The following LNX1 variants were observed in gnomAD, a reference collection of about 807,000 sequenced individuals.
The protein encoded by LNX1 is E3 ubiquitin-protein ligase LNX.
A neutral mutation model predicts 68.4 loss-of-function variants in LNX1; 54 were observed. That is an observed-to-expected ratio of 0.79 (90% CI 0.63 to 0.99). The LOEUF (loss-of-function observed/expected upper bound fraction) is 0.99. Ranked by LOEUF, LNX1 falls within the 50% of genes least tolerant of loss-of-function variation. The pLI, the probability that LNX1 is intolerant of heterozygous loss-of-function variation, is 0.00. For synonymous variants in LNX1, 336 were observed against 350.0 expected, an observed-to-expected ratio of 0.96 and a Z score of 0.45; for missense variants, 906 against 926.4, an observed-to-expected ratio of 0.98 and a Z score of 0.29.
At chr4:53,634,155 A>G (rs1335798653) in intron 1 of LNX1, among the ~76,000 whole-genome samples, 2 of 151,988 alleles carry the variant, frequency 1.3e-5, no homozygotes, top group Admixed American at 1.3e-4. Flanking sequence ...TGCACCCAAT[A>G]CCACCTGCTC....
chr4:53,480,913 C>T (rs1723869363), intron 7 of LNX1, among the ~76,000 whole-genome samples: 1 of 151,992 alleles, frequency 6.6e-6, no homozygotes, highest in South Asian at 2.1e-4. Flanking sequence ...CAAGTGATGC[C>T]ATGAAACCAG....
At chr4:53,642,653 G>A (rs1734730682) in intron 1 of LNX1, among the ~76,000 whole-genome samples, 1 of 152,204 alleles carries the variant, frequency 6.6e-6, no homozygotes, top group African/African-American at 2.4e-5. Flanking sequence ...TGCCAGAACT[G>A]GGAAGGCCAA....
chr4:53,581,675 A>T (rs1254797358), intron 1 of LNX1, among the ~76,000 whole-genome samples: 1 of 152,128 alleles, frequency 6.6e-6, no homozygotes, highest in Non-Finnish European at 1.5e-5. Context: ...TCACTATCGC[A>T]AGAATAGCAT....
At chr4:53,634,904 C>T (rs1331541165) in intron 1 of LNX1, among the ~76,000 whole-genome samples, 2 of 151,848 alleles carry the variant, frequency 1.3e-5, no homozygotes, top group East Asian at 1.9e-4. Context: ...ATCATGGGAT[C>T]GTAGCTCACT....
intron 2 of LNX1, among the ~76,000 whole-genome samples, chr4:53,602,256 A>G (rs1256671638): frequency 6.6e-6 from 1 of 152,156 alleles, no homozygotes; most frequent in African/African-American, 2.4e-5. Flanking sequence ...GCCAAGACGA[A>G]ATTAAATATG....
intron 2 of LNX1, among the ~76,000 whole-genome samples, chr4:53,565,568 G>C (rs1188863920): frequency 6.6e-5 from 10 of 151,904 alleles, no homozygotes; most frequent in South Asian, 2.1e-4. Flanking sequence ...CAGAAAAACT[G>C]GAAACTCTAA....
intron 1 of LNX1, among the ~76,000 whole-genome samples, chr4:53,647,251 A>G (rs1232663246): frequency 6.6e-6 from 1 of 152,236 alleles, no homozygotes; most frequent in Non-Finnish European, 1.5e-5. Context: ...CAAGAACTGC[A>G]GTCCTAAATG....
chr4:53,600,470 C>T (rs527883173), intron 2 of LNX1, among the ~76,000 whole-genome samples: 1 of 152,124 alleles, frequency 6.6e-6, no homozygotes, highest in Non-Finnish European at 1.5e-5. Flanking sequence ...GGCAGGCCCT[C>T]AAAAACACAG....
At chr4:53,536,722 A>T (rs1470838032) in intron 2 of LNX1, among the ~76,000 whole-genome samples, 1 of 152,236 alleles carries the variant, frequency 6.6e-6, no homozygotes, top group Non-Finnish European at 1.5e-5. Context: ...TACACTAAGA[A>T]GCAGAAAATG....
At chr4:53,463,101 AATAG>A (rs1327049771) in intron 9 of LNX1, among the ~76,000 whole-genome samples, 1 of 152,172 alleles carries the variant, frequency 6.6e-6, no homozygotes, top group African/African-American at 2.4e-5. Flanking sequence ...GATTCTTTAA[AATAG>A]ATAAATGAGT....
chr4:53,643,031 G>A (rs2109887557), intron 1 of LNX1, among the ~76,000 whole-genome samples: 1 of 152,258 alleles, frequency 6.6e-6, no homozygotes. Context: ...GAGTGCTATG[G>A]GCATTTAATA....
intron 1 of LNX1, among the ~76,000 whole-genome samples, chr4:53,650,361 G>A (rs1307542239): frequency 3.3e-5 from 5 of 152,198 alleles, no homozygotes; most frequent in Non-Finnish European, 2.9e-5. Flanking sequence ...AGCAGGGTGC[G>A]GAGGGCATCT....
chr4:53,507,532 T>C, intron 3 of LNX1, 63 bp from the exon 4 acceptor site: 1 of 1,532,410 alleles, frequency 6.5e-7, no homozygotes, highest in Non-Finnish European at 9.0e-7. Context: ...TTTATGTACA[T>C]ATCTGATAAG....
chr4:53,599,169 G>A (rs1410698840), intron 2 of LNX1, among the ~76,000 whole-genome samples: 9 of 152,134 alleles, frequency 5.9e-5, no homozygotes, highest in Admixed American at 1.3e-4. Flanking sequence ...GAGACCTATT[G>A]GGCTGCATTC....
At chr4:53,472,700 CAA>C (rs1217664886) in intron 9 of LNX1, among the ~76,000 whole-genome samples, 22 of 109,634 alleles carry the variant, frequency 2.0e-4, no homozygotes, top group African/African-American at 5.2e-4. Context: ...AAAAAAAAAA[CAA>C]AAAACAATGG....
intron 4 of LNX1, 73 bp from the exon 5 acceptor site, chr4:53,498,916 T>C (rs1393731827): frequency 3.6e-6 from 4 of 1,124,972 alleles, no homozygotes; most frequent in Non-Finnish European, 5.4e-6. Flanking sequence ...CTTGCCAAAC[T>C]TCAGTGTCAG....
intron 5 of LNX1, among the ~76,000 whole-genome samples, chr4:53,497,445 G>A (rs1725146522): frequency 6.6e-6 from 1 of 152,188 alleles, no homozygotes; most frequent in Non-Finnish European, 1.5e-5. Flanking sequence ...CCTGTTCTCT[G>A]GTGCAGCTCC....
intron 2 of LNX1, among the ~76,000 whole-genome samples, chr4:53,600,289 C>T (rs1287663484): frequency 2.0e-5 from 3 of 152,090 alleles, no homozygotes; most frequent in Non-Finnish European, 4.4e-5. Flanking sequence ...CATAAAGTGA[C>T]TCGAGGACAC....
intron 6 of LNX1, among the ~76,000 whole-genome samples, chr4:53,495,281 A>G (rs1724967839): frequency 6.6e-6 from 1 of 152,184 alleles, no homozygotes; most frequent in Non-Finnish European, 1.5e-5. Flanking sequence ...AAGCTAAAGA[A>G]AAAAAAATTT....
Sources: gnomAD v4.1 joint callset for allele counts (sites outside exome capture counted in the v4.1 genomes callset) on GRCh38, gnomAD v4.1.1 for gene constraint, MANE v1.5 for transcripts, NCBI Gene and HGNC (gene_info 2026-07-23, HGNC 2026-07-21) for gene names.